FUT5: variants seen among roughly 807,000 people sequenced by gnomAD.
FUT5 encodes the protein fucosyltransferase 5.
In FUT5, 1 loss-of-function variant was observed where a neutral mutation model predicts 0.8. That is an observed-to-expected ratio of 1.26 (90% CI 0.45 to 5.99). The LOEUF (loss-of-function observed/expected upper bound fraction) is 5.99, where lower values mean the gene tolerates loss of function less well. FUT5 is among the 30% of genes most tolerant of loss of function. The pLI is 0.15. For synonymous variants in FUT5, 212 were observed against 225.7 expected (o/e 0.94, Z 0.54); for missense variants, 437 against 517.8 (o/e 0.84, Z 1.51).
intron 1 of FUT5, among the ~76,000 whole-genome samples, chr19:5,869,005 G>A (rs891418102): frequency 2.8e-5 from 4 of 143,252 alleles, no homozygotes; most frequent in Non-Finnish European, 4.5e-5. Flanking sequence ...TTTTTTAGAC[G>A]GAGTCTCCCT....
rs988805726 is a variant in FUT5 at position 5,866,250 on chromosome 19, G to A, written c.*351C>T. The A allele has an allele frequency of 2.3e-6, 1 of 432,452 alleles. No individual in the cohort carries two copies. The highest frequency in any genetic ancestry group is 4.3e-6 in the Non-Finnish European group (1 of 232,528). 26.8% of individuals were successfully genotyped at this position (432,452 alleles called of 1,614,324 possible). A position where few individuals can be genotyped will look rare whatever the true frequency, so the allele number is the denominator to read the frequency against. ...AGCAGGTGACATTCAGTGTGGCAAG[G>A]TCTCTGGGAGCAGGTCCCAGCAGGT... On this transcript the variant is annotated 3_prime_UTR_variant, in exon 2 of 2. Coordinates refer to ENST00000588525, the MANE Select transcript of FUT5 (RefSeq NM_002034.2). This position sits in a 1 kb window ranked among gnomAD's most constrained non-coding sequence, Gnocchi z 4.9.
In FUT5 at chr19:5,867,365, C is replaced by G. The variant is rs199516299; in HGVS notation, c.361G>C (p.Val121Leu). 5 of 1,613,888 alleles carry G rather than the reference C, an allele frequency of 3.1e-6. No individual in the cohort carries two copies. Among genetic ancestry groups the G allele is most frequent in the East Asian group, 2.2e-5 (1 of 44,872 alleles). The change falls in exon 2 of 2, where the codon GTG becomes CTG. Residue 121 changes from valine to leucine, a missense_variant. Physicochemically the swap from Val to Leu is conservative, Grantham distance 32 (BLOSUM62 1). Transcript: ENST00000588525. The surrounding 1 kb of genome is among the most constrained non-coding windows in gnomAD (Gnocchi z 5.0). ...TTGTACATGATATCCCAGTGGTGCA[C>G]GATGACCGCGTCTGCCTGTGGGTAC... ...SVYPQADAVIVHHWDIMYNPS... is the reference protein window; with the variant it reads ...SVYPQADAVILHHWDIMYNPS...
Position 5,867,543 on chromosome 19 carries a change from C to T in FUT5, c.183G>A (p.Gly61=), listed in dbSNP as rs769062656. 8.1e-6 allele frequency: 13 copies of T among 1,613,508 alleles called. No individual in the cohort carries two copies. Among genetic ancestry groups the T allele is most frequent in the Non-Finnish European group, 1.1e-5 (13 of 1,180,036 alleles). ...TCGCCATGCTGTCCTGGCAGCGGGA[C>T]CCATTGGGAGCCCCGGTGACAGGTT... ...AVEPVTGAPN[G]SRCQDSMATP... The change falls in exon 2 of 2, where the codon GGG becomes GGA. Residue 61 remains glycine, a synonymous_variant. Transcript: ENST00000588525. The surrounding 1 kb of genome is among the most constrained non-coding windows in gnomAD (Gnocchi z 5.0).
In FUT5 at chr19:5,867,336, G is replaced by C. The variant is rs2057508326; in HGVS notation, c.390C>G (p.Pro130=). ...TGGTGGGGGGCGGGAGGTTGGCACTGGGGTTGTACATGATATCCCAGTGGT... is the reference window on the plus strand; with the variant it reads ...TGGTGGGGGGCGGGAGGTTGGCACTCGGGTTGTACATGATATCCCAGTGGT... The part of the protein sequence containing the change: ...IVHHWDIMYN[P]SANLPPPTRP... Residue 130 remains proline, a synonymous_variant, in exon 2 of 2, where the codon CCC becomes CCG. Transcript: ENST00000588525. This position sits in a 1 kb window ranked among gnomAD's most constrained non-coding sequence, Gnocchi z 5.0. 2 of 1,613,766 alleles carry C rather than the reference G, an allele frequency of 1.2e-6. No individual in the cohort carries two copies. The highest frequency in any genetic ancestry group is 1.1e-5 in the South Asian group (1 of 91,086).
In FUT5 at chr19:5,867,055, T is replaced by G. The variant is rs200069941; in HGVS notation, c.671A>C (p.Gln224Pro). 6.2e-7 allele frequency: 1 copy of G among 1,613,418 alleles called. No homozygotes were observed. The highest frequency in any genetic ancestry group is 8.5e-7 in the Non-Finnish European group (1 of 1,179,830). The change falls in exon 2 of 2, where the codon CAG (glutamine) becomes CCG (proline). Residue 224 changes from glutamine to proline, a missense_variant. By Grantham distance (76) the Gln-to-Pro change is moderately conservative. Around this residue, in one of 2 missense-constraint regions of FUT5, gnomAD observed 176 missense variants for 275.2 expected, o/e 0.64. Coordinates refer to ENST00000588525, the MANE Select transcript of FUT5 (RefSeq NM_002034.2). The surrounding 1 kb of genome is among the most constrained non-coding windows in gnomAD (Gnocchi z 5.0). ...CACCTTGAGATGAGCCTGCAGGCTC[T>G]GGTAGTAGCGCACCCTGGCCGAGTC... The part of the protein sequence containing the change: ...KPDSARVRYY[Q>P]SLQAHLKVDV...
In FUT5 at chr19:5,866,385, C is replaced by T. The variant is rs1195814692; in HGVS notation, c.*216G>A. The stretch of plus-strand genomic sequence containing the variant: ...GCAAGGTCCCCAGCAGGGGAGGCTC[C>T]TGGCAGTGAAGCCCGGCAAGTGAAA... On this transcript the variant is annotated 3_prime_UTR_variant, in exon 2 of 2. Transcript: ENST00000588525. This position sits in a 1 kb window ranked among gnomAD's most constrained non-coding sequence, Gnocchi z 4.9. 2.7e-6 allele frequency: 2 copies of T among 754,496 alleles called. No individual in the cohort carries two copies. The highest frequency in any genetic ancestry group is 4.3e-6 in the Non-Finnish European group (2 of 466,402). The allele number at this position is 754,496 out of a possible 1,614,324, so 46.7% of individuals were successfully genotyped here. A position where few individuals can be genotyped will look rare whatever the true frequency, so the allele number is the denominator to read the frequency against.
Position 5,866,475 on chromosome 19 carries a change from C to A in FUT5, c.*126G>T, listed in dbSNP as rs2057503147. 2.8e-6 allele frequency: 3 copies of A among 1,077,462 alleles called. No homozygotes were observed. Among genetic ancestry groups the A allele is most frequent in the Non-Finnish European group, 2.6e-6 (2 of 779,078 alleles). The allele number at this position is 1,077,462 out of a possible 1,614,324, so 66.7% of individuals were successfully genotyped here. A position where few individuals can be genotyped will look rare whatever the true frequency, so the allele number is the denominator to read the frequency against. ...CAGGTGAGGCCCCAGGCAGGTGAGA[C>A]CCCAGGCAGCCGAGGCCCCAGGCAG... is the stretch of plus-strand genomic sequence containing the variant. On this transcript the variant is annotated 3_prime_UTR_variant, in exon 2 of 2. Transcript: ENST00000588525. This position sits in a 1 kb window ranked among gnomAD's most constrained non-coding sequence, Gnocchi z 4.9.
At position 5,867,246 on chromosome 19, in the gene FUT5, T is replaced by G. The variant is rs1209044206; in HGVS notation, c.480A>C (p.Glu160Asp). The G allele has an allele frequency of 5.0e-6, 8 of 1,613,356 alleles. No homozygotes were observed. Among genetic ancestry groups the G allele is most frequent in the Non-Finnish European group, 1.7e-6 (2 of 1,180,016 alleles). The change falls in exon 2 of 2, where the codon GAA becomes GAC. Residue 160 changes from glutamate to aspartate, a missense_variant. Physicochemically the swap from Glu to Asp is conservative, Grantham distance 45. Transcript: ENST00000588525. This position sits in a 1 kb window ranked among gnomAD's most constrained non-coding sequence, Gnocchi z 5.0. ...TGAGATTGAAGTATCCGTCCAGGGC[T>G]TCCAGGTGCCGGCAGTTGCTGGGGG... is the stretch of plus-strand genomic sequence containing the variant. ...MESPSNCRHL[E>D]ALDGYFNLTM...
At position 5,870,461 on chromosome 19, in the gene FUT5, A is replaced by T. The variant is rs1247243479; in HGVS notation, c.-13+4T>A. ...GATGTCCATCAATAGAAGAACAAAT[A>T]TACCTAGTGTGATCCATCCACACAA... On this transcript the variant is annotated splice_donor_region_variant and intron_variant, in intron 1 of 1. Transcript: ENST00000588525. 1 of 152,186 alleles carries T rather than the reference A, an allele frequency of 6.6e-6. No homozygotes were observed. Among genetic ancestry groups the T allele is most frequent in the African/African-American group, 2.4e-5 (1 of 41,440 alleles). The allele number at this position is 152,186 out of a possible 1,614,324, so 9.4% of individuals were successfully genotyped here.
At position 5,867,307 on chromosome 19, in the gene FUT5, G is replaced by C. The variant is rs375231882; in HGVS notation, c.419C>G (p.Pro140Arg). The C allele has an allele frequency of 3.7e-6, 6 of 1,613,626 alleles. No individual in the cohort carries two copies. The highest frequency in any genetic ancestry group is 4.2e-6 in the Non-Finnish European group (5 of 1,180,026). ...PSANLPPPTR[P>R]QGQRWIWFSM... is the part of the protein sequence containing the mutation. ...GAACCAGATCCAGCGCTGCCCCTGCGGCCTGGTGGGGGGCGGGAGGTTGGC... is the reference window on the plus strand; with the variant it reads ...GAACCAGATCCAGCGCTGCCCCTGCCGCCTGGTGGGGGGCGGGAGGTTGGC... Residue 140 changes from proline to arginine, a missense_variant, in exon 2 of 2, where the codon CCG (proline) becomes CGG (arginine). Physicochemically the swap from Pro to Arg is moderately radical, Grantham distance 103. This residue lies in a region of FUT5 where 261 missense variants were observed against 242.6 expected (regional missense o/e 1.08). Coordinates refer to ENST00000588525, the MANE Select transcript of FUT5 (RefSeq NM_002034.2). The surrounding 1 kb of genome is among the most constrained non-coding windows in gnomAD (Gnocchi z 5.0).
rs766469326 is a variant in FUT5 at position 5,867,651 on chromosome 19, C to A, written c.75G>T (p.Leu25=). ...RCLAGLLFQL[L]VAVCFFSYLR... is the part of the protein sequence containing the mutation. The stretch of plus-strand genomic sequence containing the variant: ...GGTAGGAGAAGAAACACACAGCCAC[C>A]AGCAGCTGAAACAGCAGCCCGGCCA... Residue 25 remains leucine (L), a synonymous_variant, in exon 2 of 2, where the codon CTG becomes CTT. Coordinates refer to ENST00000588525, the MANE Select transcript of FUT5 (RefSeq NM_002034.2). This position sits in a 1 kb window ranked among gnomAD's most constrained non-coding sequence, Gnocchi z 5.0. The A allele has an allele frequency of 5.6e-6, 9 of 1,613,330 alleles. No homozygotes were observed.
Position 5,869,000 on chromosome 19 carries a change from T to C in FUT5, c.-12-1263A>G, listed in dbSNP as rs1440212568. 3.9e-4 allele frequency among the ~76,000 whole-genome samples: 59 copies of C among 151,232 alleles called. 1 individual carries two copies. Among genetic ancestry groups the C allele is most frequent in the Admixed American group, 3.8e-3 (58 of 15,184 alleles). Reference sequence around the variant, plus strand: ...CATGCCCAGCTAATTTTTTTTTTTTTAGACGGAGTCTCCCTCTGTCGCCCA... The same window carrying C: ...CATGCCCAGCTAATTTTTTTTTTTTCAGACGGAGTCTCCCTCTGTCGCCCA... On this transcript the variant is annotated intron_variant, in intron 1 of 1. Transcript: ENST00000588525.
chr19:5,867,853 G>A lies in FUT5; in HGVS notation c.-12-116C>T, dbSNP rs539101348. The A allele has an allele frequency of 3.7e-6, 4 of 1,071,042 alleles. No individual in the cohort carries two copies. Among genetic ancestry groups the A allele is most frequent in the Non-Finnish European group, 5.6e-6 (4 of 713,602 alleles). 66.3% of individuals were successfully genotyped at this position (1,071,042 alleles called of 1,614,324 possible). A position where few individuals can be genotyped will look rare whatever the true frequency, so the allele number is the denominator to read the frequency against. ...ACACAGCTTGTCATAAATGCCCCCAGTACCCCTGAGTTGAGGATTGAATTT... is the reference window on the plus strand; with the variant it reads ...ACACAGCTTGTCATAAATGCCCCCAATACCCCTGAGTTGAGGATTGAATTT... On this transcript the variant is annotated intron_variant, in intron 1 of 1. Coordinates refer to ENST00000588525, the MANE Select transcript of FUT5 (RefSeq NM_002034.2). The surrounding 1 kb of genome is among the most constrained non-coding windows in gnomAD (Gnocchi z 5.0).
chr19:5,867,267 G>A lies in FUT5; in HGVS notation c.459C>T (p.Pro153=). 6.2e-7 allele frequency: 1 copy of A among 1,613,448 alleles called. No individual in the cohort carries two copies. The highest frequency in any genetic ancestry group is 8.5e-7 in the Non-Finnish European group (1 of 1,180,028). Reference sequence around the variant, plus strand: ...GGGCTTCCAGGTGCCGGCAGTTGCTGGGGGACTCCATGCTGAACCAGATCC... The same window carrying A: ...GGGCTTCCAGGTGCCGGCAGTTGCTAGGGGACTCCATGCTGAACCAGATCC... ...QRWIWFSMES[P]SNCRHLEALD... The change falls in exon 2 of 2, where the codon CCC becomes CCT. Residue 153 remains proline, a synonymous_variant. Coordinates refer to ENST00000588525, the MANE Select transcript of FUT5 (RefSeq NM_002034.2). This position sits in a 1 kb window ranked among gnomAD's most constrained non-coding sequence, Gnocchi z 5.0.
rs145948674 is a variant in FUT5 at position 5,866,627 on chromosome 19, G to A, written c.1099C>T (p.Arg367Cys). Residue 367 changes from arginine to cysteine, a missense_variant, in exon 2 of 2, where the codon CGC (arginine) becomes TGC (cysteine). By Grantham distance (180) the Arg-to-Cys change is radical (BLOSUM62 -3). Around this residue, in one of 2 missense-constraint regions of FUT5, gnomAD observed 176 missense variants for 275.2 expected, o/e 0.64. Coordinates refer to ENST00000588525, the MANE Select transcript of FUT5 (RefSeq NM_002034.2). This position sits in a 1 kb window ranked among gnomAD's most constrained non-coding sequence, Gnocchi z 4.9. ...LQQESRYQTV[R>C]SIAAWFT ...CAGGTGAACCAAGCCGCTATGCTGCGCACCGTCTGGTACCTAGATTCCTGC... is the reference window on the plus strand; with the variant it reads ...CAGGTGAACCAAGCCGCTATGCTGCACACCGTCTGGTACCTAGATTCCTGC... The A allele has an allele frequency of 4.2e-4, 671 of 1,613,242 alleles. No individual in the cohort carries two copies. Among genetic ancestry groups the A allele is most frequent in the South Asian group, 6.3e-4 (57 of 91,062 alleles).
rs1414138194 is a variant in FUT5, at chr19:5,867,071, T to C, written c.655A>G (p.Arg219Gly). The C allele has an allele frequency of 1.9e-5, 31 of 1,613,436 alleles. No individual in the cohort carries two copies. Among genetic ancestry groups the C allele is most frequent in the Non-Finnish European group, 2.5e-5 (29 of 1,179,870 alleles). The change falls in exon 2 of 2, where the codon AGG becomes GGG. Residue 219 changes from arginine to glycine, a missense_variant. This residue lies in a region of FUT5 where 176 missense variants were observed against 275.2 expected (regional missense o/e 0.64). Coordinates refer to ENST00000588525, the MANE Select transcript of FUT5 (RefSeq NM_002034.2). This position sits in a 1 kb window ranked among gnomAD's most constrained non-coding sequence, Gnocchi z 5.0. The part of the protein sequence containing the change: ...AVSNWKPDSA[R>G]VRYYQSLQAH... ...TGCAGGCTCTGGTAGTAGCGCACCC[T>C]GGCCGAGTCCGGCTTCCAGTTGGAC...
At chr19:5,870,320 T>C (rs1048255987) in intron 1 of FUT5, 145 bp downstream of exon 1, 1 of 152,082 alleles carries the variant, frequency 6.6e-6, no homozygotes, top group Admixed American at 6.6e-5. Context: ...ATCTCCCTCC[T>C]AGGTAGAAGC....
At chr19:5,869,060 C>G (rs1034946100) in intron 1 of FUT5, among the ~76,000 whole-genome samples, 6 of 151,600 alleles carry the variant, frequency 4.0e-5, no homozygotes, top group African/African-American at 1.5e-4. Flanking sequence ...CGGCTCACTG[C>G]AAGCTCCACC....
Position 5,866,948 on chromosome 19 carries a change from A to C in FUT5, c.778T>G (p.Phe260Val). 6.2e-7 allele frequency: 1 copy of C among 1,613,268 alleles called. No homozygotes were observed. The change falls in exon 2 of 2, where the codon TTC becomes GTC. Residue 260 changes from phenylalanine to valine, a missense_variant. Phe to Val is a conservative substitution (Grantham distance 50). Around this residue, in one of 2 missense-constraint regions of FUT5, gnomAD observed 176 missense variants for 275.2 expected, o/e 0.64. Transcript: ENST00000588525. This position sits in a 1 kb window ranked among gnomAD's most constrained non-coding sequence, Gnocchi z 4.9. ...TAGTCGGGGTGCAAGGAGTTCTCGA[A>C]GGCCAGATAGAACTTGTACCGGGAC... ...TLSRYKFYLA[F>V]ENSLHPDYIT...
Sources: gnomAD v4.1 joint callset for allele counts (sites outside exome capture counted in the v4.1 genomes callset) on GRCh38, gnomAD v4.1.1 for gene constraint, gnomAD v4.1.1 regional missense constraint, Gnocchi (gnomAD v3.1) non-coding constraint, MANE v1.5 for transcripts, NCBI Gene and HGNC (gene_info 2026-07-23, HGNC 2026-07-21) for gene names.